FHIT: variants seen among roughly 807,000 people sequenced by gnomAD.
FHIT encodes fragile histidine triad diadenosine triphosphatase.
A neutral mutation model predicts 17.9 loss-of-function variants in FHIT; 19 were observed. The ratio of observed to expected loss-of-function variants is 1.06; its 90% CI spans 0.74 to 1.56. FHIT has a LOEUF of 1.56. FHIT is among the 40% of genes most tolerant of loss of function. The pLI is 0.00. For synonymous variants in FHIT, 81 were observed against 69.7 expected (o/e 1.16, Z -0.81); for missense variants, 248 against 189.2 (o/e 1.31, Z -1.82).
intron 9 of FHIT, chr3:59,749,819 T>C (rs905029309): frequency 4.5e-6 from 1 of 222,468 alleles, no homozygotes; most frequent in African/African-American, 2.3e-5. Flanking sequence ...CCATTGTCCT[T>C]AAAGGGAGGT....
intron 4 of FHIT, among the ~76,000 whole-genome samples, chr3:60,787,385 T>C (rs138768514): frequency 4.6e-5 from 7 of 152,350 alleles, no homozygotes; most frequent in Non-Finnish European, 8.8e-5. Flanking sequence ...CCCCTCATCC[T>C]GGGCTGGATA....
At chr3:60,331,847 G>A (rs1343549800) in intron 5 of FHIT, among the ~76,000 whole-genome samples, 8 of 115,688 alleles carry the variant, frequency 6.9e-5, no homozygotes, top group African/African-American at 2.1e-4. Context: ...ACTCTGTCTC[G>A]GAAAAAAAAA....
At chr3:60,694,513 T>C (rs1202062036) in intron 4 of FHIT, among the ~76,000 whole-genome samples, 1 of 152,166 alleles carries the variant, frequency 6.6e-6, no homozygotes, top group African/African-American at 2.4e-5. Flanking sequence ...TGGCGATTCC[T>C]CAAGGATCTA....
intron 4 of FHIT, among the ~76,000 whole-genome samples, chr3:60,704,761 C>T (rs782346145): frequency 2.6e-5 from 4 of 152,092 alleles, no homozygotes; most frequent in Admixed American, 6.6e-5. Context: ...ACTGGTCAGT[C>T]GTCTGATTAA....
chr3:59,817,562 T>TAAAAAAAAAAAAAAA (rs10691937), intron 8 of FHIT, among the ~76,000 whole-genome samples: 2 of 93,928 alleles, frequency 2.1e-5, no homozygotes, highest in Non-Finnish European at 2.0e-5. Context: ...CACCCGTCAC[T>TAAAAAAAAAAAAAAA]AAAAAAAAAA....
At chr3:59,833,098 T>C (rs1198789375) in intron 8 of FHIT, among the ~76,000 whole-genome samples, 2 of 152,202 alleles carry the variant, frequency 1.3e-5, no homozygotes, top group Admixed American at 6.5e-5. Context: ...TATTAAGTAA[T>C]AGTAATCACA....
At chr3:60,706,508 T>C (rs1553703604) in intron 4 of FHIT, among the ~76,000 whole-genome samples, 1 of 152,152 alleles carries the variant, frequency 6.6e-6, no homozygotes, top group Non-Finnish European at 1.5e-5. Context: ...AGAGGACAAG[T>C]CTTTGGGTTA....
At chr3:60,521,527 A>G (rs144992478) in intron 5 of FHIT, among the ~76,000 whole-genome samples, 2,445 of 152,268 alleles carry the variant, frequency 0.016, 29 homozygotes, top group African/African-American at 0.035. Flanking sequence ...GATTACAGGC[A>G]TGAGCCACTG....
At chr3:60,449,006 TTC>T (rs1165717137) in intron 5 of FHIT, among the ~76,000 whole-genome samples, 2 of 152,158 alleles carry the variant, frequency 1.3e-5, no homozygotes, top group African/African-American at 4.8e-5. Flanking sequence ...GTCTGCTCTT[TTC>T]CACAAGTTTC....
At chr3:60,124,039 G>GAGAGAGAGAGAGAC (rs1705416316) in intron 5 of FHIT, among the ~76,000 whole-genome samples, 1 of 113,824 alleles carries the variant, frequency 8.8e-6, no homozygotes, top group South Asian at 3.4e-4. Flanking sequence ...GAGAGAGAGA[G>GAGAGAGAGAGAGAC]AGAGAGAGAG....
chr3:60,342,311 G>C (rs1710562460), intron 5 of FHIT, among the ~76,000 whole-genome samples: 1 of 152,178 alleles, frequency 6.6e-6, no homozygotes, highest in Admixed American at 6.5e-5. Flanking sequence ...CACTCAATAG[G>C]ATTTAAAAGT....
At chr3:60,664,252 G>T (rs1016929294) in intron 4 of FHIT, among the ~76,000 whole-genome samples, 1 of 151,612 alleles carries the variant, frequency 6.6e-6, no homozygotes. Context: ...TTCTTCTGTA[G>T]CTTATTTCTA....
intron 5 of FHIT, among the ~76,000 whole-genome samples, chr3:60,190,186 A>C (rs1168529227): frequency 1.3e-5 from 2 of 152,184 alleles, no homozygotes; most frequent in Non-Finnish European, 2.9e-5. Context: ...ATTGTGATTG[A>C]CTGATGACAT....
chr3:60,027,148 C>CAAAAAAAA lies in FHIT; in HGVS notation c.104-12997_104-12996insTTTTTTTT, dbSNP rs57414828. ...ACACACACACACACACACACACACA[C>CAAAAAAAA]AAAATTAGTAAACCCAATAATCCAC... On this transcript the variant is annotated intron_variant, in intron 5 of 9. Coordinates refer to ENST00000492590, the MANE Select transcript of FHIT (RefSeq NM_002012.4). Among the ~76,000 whole-genome samples the CAAAAAAAA allele has an allele frequency of 2.8e-3, 349 of 125,840 alleles. 3 individuals are homozygous for CAAAAAAAA. Among genetic ancestry groups the CAAAAAAAA allele is most frequent in the African/African-American group, 8.8e-3 (324 of 36,948 alleles). 82.6% of individuals were successfully genotyped at this position (125,840 alleles called of 152,430 possible). A position where few individuals can be genotyped will look rare whatever the true frequency, so the allele number is the denominator to read the frequency against.
At chr3:60,430,254 A>AT (rs1285839053) in intron 5 of FHIT, among the ~76,000 whole-genome samples, 1 of 151,966 alleles carries the variant, frequency 6.6e-6, no homozygotes, top group Admixed American at 6.6e-5. Context: ...TCTAAAAGTG[A>AT]TTTTTTCACT....
intron 8 of FHIT, among the ~76,000 whole-genome samples, chr3:59,876,611 C>A (rs1703174470): frequency 1.3e-5 from 2 of 152,132 alleles, no homozygotes. Context: ...GAGATAAGCC[C>A]CTGCTACAGG....
intron 4 of FHIT, among the ~76,000 whole-genome samples, chr3:60,622,364 T>C (rs1417837341): frequency 1.3e-5 from 2 of 150,240 alleles, no homozygotes; most frequent in Admixed American, 6.8e-5. Context: ...CGTACAAATC[T>C]AGATTTTTTT....
chr3:61,208,308 A>C (rs1329271204), intron 1 of FHIT, among the ~76,000 whole-genome samples: 1 of 151,922 alleles, frequency 6.6e-6, no homozygotes, highest in East Asian at 1.9e-4. Context: ...TGGGGTGGAG[A>C]GTTCTCTAGA....
intron 8 of FHIT, among the ~76,000 whole-genome samples, chr3:59,783,036 G>T (rs571293632): frequency 6.6e-6 from 1 of 152,236 alleles, no homozygotes; most frequent in South Asian, 2.1e-4. Flanking sequence ...GGTGTCTGGG[G>T]AGTAGGGGTC....
Sources: gnomAD v4.1 joint callset for allele counts (sites outside exome capture counted in the v4.1 genomes callset) on GRCh38, gnomAD v4.1.1 for gene constraint, MANE v1.5 for transcripts, NCBI Gene and HGNC (gene_info 2026-07-23, HGNC 2026-07-21) for gene names.